PHKB: variants seen among roughly 807,000 people sequenced by gnomAD.
PHKB encodes phosphorylase b kinase regulatory subunit beta.
Under a neutral mutation model 152.1 loss-of-function variants are expected in PHKB, and 122 were observed. The ratio of observed to expected loss-of-function variants is 0.80; its 90% CI spans 0.69 to 0.93. The LOEUF (loss-of-function observed/expected upper bound fraction) is 0.93. PHKB is among the 40% of genes least tolerant of loss of function. The pLI is 0.00. For missense variants in PHKB, 1,304 were observed against 1,328.4 expected, an observed-to-expected ratio of 0.98 and a Z score of 0.29; for synonymous variants, 436 against 464.9, an observed-to-expected ratio of 0.94 and a Z score of 0.80.
chr16:47,597,642 G>GA (rs1972143878), intron 13 of PHKB, among the ~76,000 whole-genome samples: 1 of 150,694 alleles, frequency 6.6e-6, no homozygotes, highest in African/African-American at 2.4e-5. Context: ...AAGCGGGGGG[G>GA]AAAGACACAT....
intron 6 of PHKB, among the ~76,000 whole-genome samples, chr16:47,526,868 G>C (rs1291913473): frequency 6.6e-6 from 1 of 152,168 alleles, no homozygotes; most frequent in East Asian, 1.9e-4. Flanking sequence ...TTGGCTCACA[G>C]GTCTGCAGGC....
intron 7 of PHKB, among the ~76,000 whole-genome samples, chr16:47,561,123 G>A (rs1207184508): frequency 6.6e-6 from 1 of 152,124 alleles, no homozygotes; most frequent in African/African-American, 2.4e-5. Context: ...TCCAAATTCA[G>A]CAAAATTCTG....
In PHKB at chr16:47,526,240, C is replaced by T. The variant is rs565939575; in HGVS notation, c.594+10639C>T. ...CCTGGCCAACATGGTGAAACCCTGT[C>T]TCTACTAAAAATGCAAAAATTATCT... On this transcript the variant is annotated intron_variant, in intron 6 of 30. Transcript: ENST00000323584. Among the ~76,000 whole-genome samples the T allele has an allele frequency of 7.2e-5, 11 of 152,142 alleles. No individual in the cohort carries two copies. In the South Asian group the frequency reaches 1.2e-3, roughly 17 times the overall value.
At chr16:47,480,314 T>C (rs1017375769) in intron 1 of PHKB, among the ~76,000 whole-genome samples, 3 of 152,230 alleles carry the variant, frequency 2.0e-5, no homozygotes, top group African/African-American at 7.2e-5. Context: ...TGCTAATTGC[T>C]TAAAGGTCTT....
chr16:47,675,890 G>C (rs1973723938), intron 26 of PHKB: 1 of 152,184 alleles, frequency 6.6e-6, no homozygotes, highest in Admixed American at 6.5e-5. Flanking sequence ...AGGGATATCA[G>C]ACAACTTCAG....
At chr16:47,550,310 T>C (rs1199926864) in intron 7 of PHKB, among the ~76,000 whole-genome samples, 16 of 152,242 alleles carry the variant, frequency 1.1e-4, no homozygotes, top group Admixed American at 1.0e-3. Flanking sequence ...CACCTCTTAG[T>C]CTGTCTCTGC....
chr16:47,628,042 G>C (rs1476799608), intron 14 of PHKB, among the ~76,000 whole-genome samples: 3 of 152,124 alleles, frequency 2.0e-5, no homozygotes, highest in African/African-American at 7.2e-5. Flanking sequence ...ATAAATGAGT[G>C]TTCTGTAAGG....
At chr16:47,574,798 T>C (rs1032825624) in intron 7 of PHKB, among the ~76,000 whole-genome samples, 7 of 152,122 alleles carry the variant, frequency 4.6e-5, no homozygotes, top group African/African-American at 1.2e-4. Context: ...ACCTCCAACA[T>C]TGGGGATCAG....
intron 14 of PHKB, among the ~76,000 whole-genome samples, chr16:47,613,129 C>A (rs984995974): frequency 6.6e-6 from 1 of 152,140 alleles, no homozygotes; most frequent in Admixed American, 6.5e-5. Context: ...GTCAGGGATC[C>A]CATGACTGCC....
chr16:47,475,188 A>G (rs1008884249), intron 1 of PHKB, among the ~76,000 whole-genome samples: 1 of 152,216 alleles, frequency 6.6e-6, no homozygotes, highest in Non-Finnish European at 1.5e-5. Flanking sequence ...TTGTAGCTAA[A>G]TGGGAGTCAT....
chr16:47,617,426 A>T (rs1972538937), intron 14 of PHKB, among the ~76,000 whole-genome samples: 1 of 152,004 alleles, frequency 6.6e-6, no homozygotes, highest in African/African-American at 2.4e-5. Flanking sequence ...TTCTGTACCC[A>T]TTAAGCAGTG....
chr16:47,478,358 A>C (rs988072310), intron 1 of PHKB, among the ~76,000 whole-genome samples: 1 of 152,176 alleles, frequency 6.6e-6, no homozygotes, highest in Admixed American at 6.6e-5. Context: ...TGCAGCGACC[A>C]ATACCAGAAT....
intron 9 of PHKB, among the ~76,000 whole-genome samples, chr16:47,588,388 G>A (rs2151697161): frequency 6.7e-6 from 1 of 150,056 alleles, no homozygotes; most frequent in Non-Finnish European, 1.5e-5. Flanking sequence ...CAACATTTGG[G>A]TATATATGTT....
chr16:47,550,255 C>CTG (rs1971248589), intron 7 of PHKB, among the ~76,000 whole-genome samples: 1 of 152,088 alleles, frequency 6.6e-6, no homozygotes, highest in African/African-American at 2.4e-5. Flanking sequence ...GTGCTTAGGC[C>CTG]TGTGTAGTGG....
At chr16:47,462,436 C>G (rs1396211798) in intron 1 of PHKB, 1 of 152,186 alleles carries the variant, frequency 6.6e-6, no homozygotes, top group Admixed American at 6.5e-5. Context: ...GAGTTCGAGA[C>G]CAGCCTGGCC....
intron 12 of PHKB, among the ~76,000 whole-genome samples, chr16:47,596,081 C>A (rs999686121): frequency 6.6e-6 from 1 of 152,140 alleles, no homozygotes; most frequent in Non-Finnish European, 1.5e-5. Context: ...ATAATTGAAT[C>A]ATGGGGGGCG....
chr16:47,564,498 G>A (rs181779815), intron 7 of PHKB, among the ~76,000 whole-genome samples: 78 of 151,772 alleles, frequency 5.1e-4, no homozygotes, highest in Middle Eastern at 3.4e-3. Context: ...TGCTCTTGTC[G>A]TTTGCCCACT....
At chr16:47,648,484 G>T (rs753379796) in intron 16 of PHKB, 49 bp from the exon 17 acceptor site, 2 of 1,235,810 alleles carry the variant, frequency 1.6e-6, no homozygotes, top group Admixed American at 3.4e-5. Flanking sequence ...GGGTGAGAAA[G>T]TGACATGGAT....
At chr16:47,632,946 A>C (rs1438168188) in intron 14 of PHKB, among the ~76,000 whole-genome samples, 1 of 152,202 alleles carries the variant, frequency 6.6e-6, no homozygotes, top group Non-Finnish European at 1.5e-5. Context: ...TGCAATATTA[A>C]TATAGTTAGT....
Sources: allele counts gnomAD v4.1 joint callset (sites outside exome capture counted in the v4.1 genomes callset), GRCh38; gene constraint gnomAD v4.1.1; transcripts MANE v1.5; gene names NCBI Gene and HGNC (gene_info 2026-07-23, HGNC 2026-07-21).